The following MYT1L variants were observed in gnomAD, a reference collection of about 807,000 sequenced individuals.
The protein encoded by MYT1L is myelin transcription factor 1-like protein.
Under a neutral mutation model 126.7 loss-of-function variants are expected in MYT1L, and 12 were observed. The observed-to-expected ratio is 0.09, with a 90% CI of 0.06 to 0.15. MYT1L has a LOEUF of 0.15. MYT1L is among the 10% of genes least tolerant of loss of function. The pLI is 1.00. For missense variants in MYT1L, 979 were observed against 1,585.2 expected (o/e 0.62, Z 6.49); for synonymous variants, 541 against 604.2 (o/e 0.90, Z 1.53).
At position 1,953,007 on chromosome 2, in the gene MYT1L, T is replaced by C. The variant is rs548565937; in HGVS notation, c.153-9673A>G. ...TCTCTTTCTTTCTTTTCTTTTCTTT[T>C]CCTTCCTTCCTTCCTTCCTCTTTCC... On this transcript the variant is annotated intron_variant, in intron 8 of 24. Coordinates refer to ENST00000647738, the MANE Select transcript of MYT1L (RefSeq NM_001303052.2). Among the ~76,000 whole-genome samples the C allele has an allele frequency of 3.4e-5, 5 of 145,712 alleles. No homozygotes were observed. The South Asian group carries it at 1.2e-3, about 34-fold the overall frequency.
chr2:2,113,214 T>C (rs1412997528), intron 3 of MYT1L, among the ~76,000 whole-genome samples: 1 of 152,184 alleles, frequency 6.6e-6, no homozygotes, highest in Non-Finnish European at 1.5e-5. Flanking sequence ...TAGAACAGAA[T>C]TGGAGAGTGA....
chr2:2,233,675 C>T (rs1360745083), intron 2 of MYT1L, among the ~76,000 whole-genome samples: 1 of 152,166 alleles, frequency 6.6e-6, no homozygotes, highest in East Asian at 1.9e-4. Context: ...CGGAACCAGC[C>T]ATATCGGCAC....
intron 2 of MYT1L, among the ~76,000 whole-genome samples, chr2:2,212,937 C>T (rs181201819): frequency 3.9e-5 from 6 of 152,220 alleles, no homozygotes; most frequent in Admixed American, 2.6e-4. Context: ...GCAAGCTGGC[C>T]ATCTGTCTTT....
In MYT1L at chr2:1,849,870, G is replaced by A. The variant is rs117872333; in HGVS notation, c.2774+1771C>T. On this transcript the variant is annotated intron_variant, in intron 19 of 24. Coordinates refer to ENST00000647738, the MANE Select transcript of MYT1L (RefSeq NM_001303052.2). ...GAGTTACCTTCAGTGAGATTTTAAT[G>A]ACAAAACAATCATCCTGTGAGTTCT... is the stretch of plus-strand genomic sequence containing the variant. 1.1e-3 allele frequency among the ~76,000 whole-genome samples: 160 copies of A among 152,290 alleles called. 4 individuals are homozygous for A. In the East Asian group the frequency reaches 0.029, roughly 28 times the overall value.
chr2:1,967,441 G>A (rs541541647), intron 8 of MYT1L, among the ~76,000 whole-genome samples: 22 of 152,300 alleles, frequency 1.4e-4, no homozygotes, highest in Non-Finnish European at 2.6e-4. Flanking sequence ...GGGTGAACGC[G>A]TGCTAAAGGG....
In MYT1L at chr2:2,101,349, G is replaced by A. The variant is rs573062229; in HGVS notation, c.-303-47226C>T. Among the ~76,000 whole-genome samples, 175 of 152,014 alleles carry A rather than the reference G, an allele frequency of 1.2e-3. 1 individual carries two copies. The highest frequency in any genetic ancestry group is 4.0e-3 in the African/African-American group (165 of 41,452). ...TATGCCATTCACATGACTGTATGCT[G>A]GCTGCTTAACCCTTTGGAACCCCAT... On this transcript the variant is annotated intron_variant, in intron 3 of 24. Transcript: ENST00000647738.
chr2:2,317,325 G>A (rs1252142959), intron 1 of MYT1L, among the ~76,000 whole-genome samples: 1 of 152,136 alleles, frequency 6.6e-6, no homozygotes, highest in Admixed American at 6.5e-5. Context: ...CCTGCTGATA[G>A]CATGACAGCT....
chr2:2,245,483 G>A (rs1572801594), intron 2 of MYT1L, among the ~76,000 whole-genome samples: 2 of 152,224 alleles, frequency 1.3e-5, no homozygotes, highest in South Asian at 2.1e-4. Context: ...TTCAGCAGCT[G>A]GTATTATATT....
chr2:1,821,353 T>G (rs913179220), intron 21 of MYT1L, among the ~76,000 whole-genome samples: 3 of 152,176 alleles, frequency 2.0e-5, no homozygotes, highest in African/African-American at 7.2e-5. Context: ...CTCATCTCTT[T>G]ATAATTTATG....
At chr2:2,156,042 T>C (rs1280545785) in intron 3 of MYT1L, among the ~76,000 whole-genome samples, 6 of 152,186 alleles carry the variant, frequency 3.9e-5, no homozygotes, top group African/African-American at 9.7e-5. Context: ...GGCTGCAGAA[T>C]AGACAGGTAT....
intron 18 of MYT1L, among the ~76,000 whole-genome samples, chr2:1,871,401 C>T (rs1200353914): frequency 6.6e-6 from 1 of 152,220 alleles, no homozygotes; most frequent in Admixed American, 6.5e-5. Context: ...AGTTCCCTGG[C>T]CTGGAGAACC....
intron 2 of MYT1L, among the ~76,000 whole-genome samples, chr2:2,180,968 G>A (rs1016565713): frequency 1.3e-5 from 2 of 148,308 alleles, no homozygotes; most frequent in African/African-American, 5.0e-5. Context: ...ACCTGTAACC[G>A]TACCTGTGTG....
chr2:2,253,769 C>G (rs1039354388), intron 2 of MYT1L, among the ~76,000 whole-genome samples: 25 of 151,768 alleles, frequency 1.6e-4, no homozygotes, highest in Non-Finnish European at 3.1e-4. Flanking sequence ...AAGTCGGAAA[C>G]AGGAAGCGGG....
intron 18 of MYT1L, among the ~76,000 whole-genome samples, chr2:1,858,354 T>G (rs530651301): frequency 9.6e-4 from 126 of 131,904 alleles, no homozygotes; most frequent in African/African-American, 3.2e-3. Flanking sequence ...AGTTCAGAGC[T>G]GATCCTCTGC....
At chr2:1,903,953 G>GCA (rs1558341169) in intron 13 of MYT1L, among the ~76,000 whole-genome samples, 11 of 151,098 alleles carry the variant, frequency 7.3e-5, no homozygotes, top group African/African-American at 2.7e-4. Flanking sequence ...GTGTGTGCGC[G>GCA]TGCGCGCGTG....
At chr2:1,867,572 C>T (rs2045743395) in intron 18 of MYT1L, among the ~76,000 whole-genome samples, 1 of 152,176 alleles carries the variant, frequency 6.6e-6, no homozygotes, top group South Asian at 2.1e-4. Context: ...AAAGTCAAGT[C>T]AGTGAATGGC....
At chr2:1,892,366 C>T in intron 14 of MYT1L, 79 bp from the exon 15 acceptor site, 1 of 1,490,726 alleles carries the variant, frequency 6.7e-7, no homozygotes. Flanking sequence ...GGCCTGCCCG[C>T]CCCGGCCTCA....
intron 8 of MYT1L, among the ~76,000 whole-genome samples, chr2:1,959,262 C>A (rs556594918): frequency 7.2e-5 from 11 of 152,292 alleles, no homozygotes; most frequent in Non-Finnish European, 1.6e-4. Context: ...GGTCCACGTG[C>A]CTTAAGATAC....
intron 2 of MYT1L, among the ~76,000 whole-genome samples, chr2:2,179,627 T>A (rs1448663117): frequency 6.6e-6 from 1 of 152,154 alleles, no homozygotes; most frequent in Non-Finnish European, 1.5e-5. Flanking sequence ...AGATGAGGAA[T>A]CCCAAGTTCC....
Sources: allele counts gnomAD v4.1 joint callset (sites outside exome capture counted in the v4.1 genomes callset), GRCh38; gene constraint gnomAD v4.1.1; transcripts MANE v1.5; gene names NCBI Gene and HGNC (gene_info 2026-07-23, HGNC 2026-07-21).